The following SSH2 variants were observed in gnomAD, a reference collection of about 807,000 sequenced individuals.
The protein encoded by SSH2 is protein phosphatase Slingshot homolog 2.
SSH2 carries 37 observed loss-of-function variants against 135.2 expected under a neutral mutation model. That is an observed-to-expected ratio of 0.27 (90% CI 0.21 to 0.36). The LOEUF is 0.36. Among genes scored for constraint, SSH2 ranks in the 10% least tolerant of loss-of-function variants. The pLI, the probability that SSH2 is intolerant of heterozygous loss-of-function variation, is 1.00. For synonymous variants in SSH2, 628 were observed against 646.2 expected (o/e 0.97, Z 0.43); for missense variants, 1,408 against 1,765.3 (o/e 0.80, Z 3.63).
At chr17:29,775,288 C>CTT (rs556652594) in intron 3 of SSH2, among the ~76,000 whole-genome samples, 11 of 134,160 alleles carry the variant, frequency 8.2e-5, no homozygotes, top group South Asian at 2.4e-4. Context: ...TCCTTCTTTC[C>CTT]TTTTTTTTTT....
chr17:29,675,155 C>A (rs2037653311), intron 8 of SSH2, among the ~76,000 whole-genome samples: 1 of 152,098 alleles, frequency 6.6e-6, no homozygotes, highest in Non-Finnish European at 1.5e-5. Context: ...AAAATATGCC[C>A]TAACTCTAAA....
intron 8 of SSH2, among the ~76,000 whole-genome samples, chr17:29,672,997 G>A (rs191612166): frequency 2.0e-5 from 3 of 151,854 alleles, no homozygotes; most frequent in African/African-American, 4.8e-5. Flanking sequence ...GTGAGCCACC[G>A]TGCCTGGCCT....
chr17:29,726,854 A>C (rs571013941), intron 3 of SSH2, among the ~76,000 whole-genome samples: 1 of 152,198 alleles, frequency 6.6e-6, no homozygotes, highest in Non-Finnish European at 1.5e-5. Context: ...CCTTTGCCCA[A>C]ACTTTTCTCA....
In SSH2 at chr17:29,648,209, C is replaced by G; in HGVS notation, c.1362G>C (p.Thr454=). The stretch of plus-strand genomic sequence containing the variant: ...TGAAGCTTGGGTTGGGCTTGGTTAC[C>G]GTTCGTCTTTCTTTCACATAGTCAT... ...RAYDYVKERR[T]VTKPNPSFMR... is the part of the protein sequence containing the mutation. Residue 454 remains threonine, a synonymous_variant, in exon 14 of 16, where the codon ACG becomes ACC. Coordinates refer to ENST00000540801, the MANE Select transcript of SSH2 (RefSeq NM_001282129.2). 6.2e-7 allele frequency: 1 copy of G among 1,614,108 alleles called. No individual in the cohort carries two copies. Among genetic ancestry groups the G allele is most frequent in the Non-Finnish European group, 8.5e-7 (1 of 1,180,028 alleles).
intron 14 of SSH2, among the ~76,000 whole-genome samples, chr17:29,640,049 G>C (rs928415453): frequency 7.9e-5 from 12 of 151,768 alleles, no homozygotes; most frequent in Admixed American, 2.6e-4. Flanking sequence ...GAAGTTTAAT[G>C]ATCCCAAGAA....
chr17:29,638,218 C>T (rs1281534052), intron 14 of SSH2, among the ~76,000 whole-genome samples: 2 of 151,262 alleles, frequency 1.3e-5, no homozygotes, highest in African/African-American at 4.9e-5. Context: ...ACATTATAAT[C>T]CATACAACTA....
intron 4 of SSH2, among the ~76,000 whole-genome samples, chr17:29,696,626 C>A (rs546956530): frequency 0.029 from 4,140 of 141,492 alleles, 185 homozygotes; most frequent in African/African-American, 0.1. Flanking sequence ...TATATATACA[C>A]ACACACACAC....
chr17:29,644,601 G>A (rs1370191787), intron 14 of SSH2, among the ~76,000 whole-genome samples: 2 of 152,190 alleles, frequency 1.3e-5, no homozygotes, highest in Non-Finnish European at 2.9e-5. Flanking sequence ...GAGGTCAAGA[G>A]ATCGAGACCA....
chr17:29,806,280 A>G (rs964138797), intron 2 of SSH2, among the ~76,000 whole-genome samples: 3 of 152,184 alleles, frequency 2.0e-5, no homozygotes, highest in African/African-American at 7.2e-5. Flanking sequence ...TTATAGCCTT[A>G]TTTTTCAGTT....
intron 3 of SSH2, among the ~76,000 whole-genome samples, chr17:29,721,351 T>C (rs1386336880): frequency 6.6e-6 from 1 of 152,230 alleles, no homozygotes; most frequent in African/African-American, 2.4e-5. Context: ...ACTTGTTCCC[T>C]GGATTGCTTT....
intron 9 of SSH2, among the ~76,000 whole-genome samples, chr17:29,668,798 G>T (rs2037376362): frequency 6.6e-6 from 1 of 152,130 alleles, no homozygotes; most frequent in South Asian, 2.1e-4. Flanking sequence ...AGATTCCCTA[G>T]TTCCTAAGCA....
chr17:29,761,713 T>C (rs1252063086), intron 3 of SSH2, among the ~76,000 whole-genome samples: 1 of 152,134 alleles, frequency 6.6e-6, no homozygotes, highest in Non-Finnish European at 1.5e-5. Flanking sequence ...ATTGGCTCTA[T>C]ACATTGTACC....
chr17:29,821,295 T>G (rs1377630088), intron 2 of SSH2, among the ~76,000 whole-genome samples: 1 of 152,198 alleles, frequency 6.6e-6, no homozygotes, highest in Non-Finnish European at 1.5e-5. Flanking sequence ...GGTCTCACTC[T>G]GTTGCCCAGG....
chr17:29,808,801 G>T (rs1381814993), intron 2 of SSH2, among the ~76,000 whole-genome samples: 6 of 152,194 alleles, frequency 3.9e-5, no homozygotes, highest in African/African-American at 1.2e-4. Context: ...TGGAGTGGGG[G>T]TTGGTAGGAG....
At chr17:29,689,044 G>C (rs546344361) in intron 5 of SSH2, among the ~76,000 whole-genome samples, 1 of 152,092 alleles carries the variant, frequency 6.6e-6, no homozygotes, top group East Asian at 1.9e-4. Flanking sequence ...TATAATCCCA[G>C]CTACTCAGGA....
intron 3 of SSH2, among the ~76,000 whole-genome samples, chr17:29,773,171 G>A (rs533244521): frequency 7.2e-5 from 11 of 151,810 alleles, no homozygotes; most frequent in South Asian, 2.1e-4. Context: ...TCTGCTGGAC[G>A]TCCAGATTTC....
chr17:29,878,614 G>A (rs1259720246), intron 1 of SSH2, among the ~76,000 whole-genome samples: 1 of 152,054 alleles, frequency 6.6e-6, no homozygotes, highest in African/African-American at 2.4e-5. Flanking sequence ...GATCAAATAA[G>A]TATAGACTAC....
chr17:29,633,073 C>T (rs2035756120), intron 15 of SSH2, 142 bp from the exon 16 acceptor site: 1 of 715,008 alleles, frequency 1.4e-6, no homozygotes, highest in South Asian at 1.9e-5. Context: ...GGACCACACT[C>T]TGCCCATCTG....
At chr17:29,690,866 A>G (rs1238742378) in intron 5 of SSH2, among the ~76,000 whole-genome samples, 2 of 151,994 alleles carry the variant, frequency 1.3e-5, no homozygotes, top group Admixed American at 6.6e-5. Flanking sequence ...AGGTATTTCT[A>G]TTTTTATCAC....
Sources: allele counts gnomAD v4.1 joint callset (sites outside exome capture counted in the v4.1 genomes callset), GRCh38; gene constraint gnomAD v4.1.1; transcripts MANE v1.5; gene names NCBI Gene and HGNC (gene_info 2026-07-23, HGNC 2026-07-21).